The following DLG2 variants were observed in gnomAD, a reference collection of about 807,000 sequenced individuals.
The protein encoded by DLG2 is disks large homolog 2.
Under a neutral mutation model 132.5 loss-of-function variants are expected in DLG2, and 45 were observed. The ratio of observed to expected loss-of-function variants is 0.34; its 90% CI spans 0.27 to 0.44. DLG2 has a LOEUF of 0.44. Ranked by LOEUF, DLG2 falls within the 20% of genes least tolerant of loss-of-function variation. The pLI is 1.00. For synonymous variants in DLG2, 424 were observed against 419.6 expected (o/e 1.01, Z -0.13); for missense variants, 1,045 against 1,196.9 (o/e 0.87, Z 1.87).
chr11:84,164,430 T>G (rs1029557259), intron 8 of DLG2, among the ~76,000 whole-genome samples: 29 of 152,214 alleles, frequency 1.9e-4, no homozygotes, highest in African/African-American at 5.8e-4. Flanking sequence ...GACTACATTT[T>G]AACTATAAAG....
At chr11:85,026,447 T>C (rs1218313974) in intron 6 of DLG2, among the ~76,000 whole-genome samples, 9 of 152,186 alleles carry the variant, frequency 5.9e-5, no homozygotes, top group Admixed American at 3.3e-4. Flanking sequence ...CTGAGAAATG[T>C]GTAGAAATAA....
At chr11:84,561,326 T>C (rs928240920) in intron 6 of DLG2, among the ~76,000 whole-genome samples, 2 of 152,094 alleles carry the variant, frequency 1.3e-5, no homozygotes, top group Admixed American at 6.6e-5. Context: ...CATCAAGCCA[T>C]AGCCTGTTAC....
At chr11:84,933,382 A>C (rs2048324990) in intron 6 of DLG2, among the ~76,000 whole-genome samples, 1 of 152,160 alleles carries the variant, frequency 6.6e-6, no homozygotes, top group Admixed American at 6.5e-5. Flanking sequence ...ATTTTAAAAT[A>C]GTTTTTTCTA....
intron 18 of DLG2, among the ~76,000 whole-genome samples, chr11:83,740,032 A>C (rs541558996): frequency 1.4e-4 from 22 of 152,326 alleles, no homozygotes; most frequent in African/African-American, 4.8e-4. Context: ...TTTAGTACAG[A>C]GCACAAAGAC....
At chr11:84,583,451 C>T (rs901074129) in intron 6 of DLG2, among the ~76,000 whole-genome samples, 32 of 152,208 alleles carry the variant, frequency 2.1e-4, no homozygotes, top group African/African-American at 7.5e-4. Flanking sequence ...GGAATTCTTA[C>T]AAGGTCCATT....
intron 7 of DLG2, among the ~76,000 whole-genome samples, chr11:84,492,487 TAG>T (rs757442249): frequency 6.6e-6 from 1 of 152,182 alleles, no homozygotes; most frequent in Non-Finnish European, 1.5e-5. Flanking sequence ...GCAGGTAAAT[TAG>T]AGTTTGAATA....
intron 16 of DLG2, among the ~76,000 whole-genome samples, chr11:83,865,201 T>G (rs1275350183): frequency 6.6e-6 from 1 of 152,128 alleles, no homozygotes; most frequent in Admixed American, 6.6e-5. Flanking sequence ...GTATGTGACA[T>G]TTCTGTTAAG....
At chr11:83,550,466 G>C (rs922348853) in intron 19 of DLG2, among the ~76,000 whole-genome samples, 2 of 152,154 alleles carry the variant, frequency 1.3e-5, no homozygotes, top group Admixed American at 6.6e-5. Context: ...CTTTCAGGCT[G>C]TCCTGGCAGT....
intron 4 of DLG2, among the ~76,000 whole-genome samples, chr11:85,224,316 T>C (rs1393706658): frequency 6.6e-6 from 1 of 152,188 alleles, no homozygotes; most frequent in African/African-American, 2.4e-5. Flanking sequence ...GGTCTCATGC[T>C]GCTTATAAGT....
intron 6 of DLG2, among the ~76,000 whole-genome samples, chr11:84,850,058 C>A (rs1032708234): frequency 3.3e-5 from 5 of 151,950 alleles, no homozygotes; most frequent in African/African-American, 1.2e-4. Context: ...TTAAAAATTC[C>A]TTGATGGTAA....
At chr11:83,657,333 G>A (rs887847376) in intron 18 of DLG2, among the ~76,000 whole-genome samples, 5 of 152,098 alleles carry the variant, frequency 3.3e-5, no homozygotes, top group Non-Finnish European at 7.4e-5. Flanking sequence ...TGAAAGGCTG[G>A]TATCCATTAG....
intron 18 of DLG2, among the ~76,000 whole-genome samples, chr11:83,704,509 C>CT (rs201131386): frequency 1.6e-4 from 24 of 151,182 alleles, no homozygotes; most frequent in South Asian, 6.4e-4. Context: ...CTGGTTTTTT[C>CT]TTTTTTTAAA....
At chr11:85,486,888 G>A (rs962255394) in intron 3 of DLG2, among the ~76,000 whole-genome samples, 6 of 151,112 alleles carry the variant, frequency 4.0e-5, no homozygotes, top group Non-Finnish European at 8.8e-5. Flanking sequence ...CTGCTCTGGG[G>A]CCTTAAAAGA....
At chr11:83,596,273 A>G (rs145761038) in intron 19 of DLG2, among the ~76,000 whole-genome samples, 2,123 of 152,212 alleles carry the variant, frequency 0.014, 54 homozygotes, top group African/African-American at 0.048. Context: ...TCCTCCCATA[A>G]CACTGGCTTC....
At chr11:84,517,789 A>G (rs2099278236) in intron 7 of DLG2, among the ~76,000 whole-genome samples, 1 of 152,034 alleles carries the variant, frequency 6.6e-6, no homozygotes, top group Non-Finnish European at 1.5e-5. Flanking sequence ...AAAATGTGGT[A>G]TATGTACATA....
chr11:83,775,452 C>T (rs1322330710), intron 18 of DLG2, among the ~76,000 whole-genome samples: 1 of 152,198 alleles, frequency 6.6e-6, no homozygotes, highest in Non-Finnish European at 1.5e-5. Flanking sequence ...TCAGTTTCCT[C>T]ATCTGTAAAA....
chr11:84,897,100 A>G lies in DLG2; in HGVS notation c.357+214561T>C, dbSNP rs1004696249. Among the ~76,000 whole-genome samples the G allele has an allele frequency of 2.0e-5, 3 of 151,568 alleles. No homozygotes were observed. The Admixed American group carries it at 2.0e-4, about 10-fold the overall frequency. On this transcript the variant is annotated intron_variant, in intron 6 of 27. Coordinates refer to ENST00000376104, the MANE Select transcript of DLG2 (RefSeq NM_001142699.3). ...AAATCACACTCCTTCACCCCACAAT[A>G]TTTTTTGTTAATCATTCCTTTGCTT...
intron 18 of DLG2, among the ~76,000 whole-genome samples, chr11:83,760,207 T>C (rs965880536): frequency 1.3e-5 from 2 of 152,196 alleles, no homozygotes; most frequent in Non-Finnish European, 1.5e-5. Context: ...GCCTTTCACC[T>C]GGTGGGCAGA....
At chr11:83,847,930 T>C (rs1221999187) in intron 16 of DLG2, among the ~76,000 whole-genome samples, 1 of 152,232 alleles carries the variant, frequency 6.6e-6, no homozygotes, top group East Asian at 1.9e-4. Context: ...ATGTTCTATG[T>C]ATCTGTTTGC....
Sources: allele counts gnomAD v4.1 joint callset (sites outside exome capture counted in the v4.1 genomes callset), GRCh38; gene constraint gnomAD v4.1.1; transcripts MANE v1.5; gene names NCBI Gene and HGNC (gene_info 2026-07-23, HGNC 2026-07-21).